Variants in NAA38 observed in about 807,000 individuals in gnomAD.
The protein encoded by NAA38 is N-alpha-acetyltransferase 38, NatC auxiliary subunit.
In NAA38, 15 loss-of-function variants were observed where a neutral mutation model predicts 12.6. The observed-to-expected ratio is 1.19, with a 90% CI of 0.79 to 1.83. The LOEUF (loss-of-function observed/expected upper bound fraction) is 1.83, where lower values mean the gene tolerates loss of function less well. Among genes scored for constraint, NAA38 ranks in the 40% most tolerant of loss-of-function variants. The probability of loss-of-function intolerance (pLI) is 0.00; values close to 1 mark genes in which losing one functional copy is unlikely to be tolerated. For synonymous variants in NAA38, 88 were observed against 69.9 expected, an observed-to-expected ratio of 1.26 and a Z score of -1.29; for missense variants, 183 against 171.7, an observed-to-expected ratio of 1.07 and a Z score of -0.37.
upstream of NAA38, chr17:7,859,762 G>A: frequency 1.5e-6 from 1 of 648,572 alleles, no homozygotes; most frequent in Non-Finnish European, 2.7e-6. Context: ...GAAGTGTAAA[G>A]GCCCTATTCC....
At chr17:7,879,713 G>C (rs1967237080) in intron 2 of NAA38, among the ~76,000 whole-genome samples, 3 of 151,878 alleles carry the variant, frequency 2.0e-5, no homozygotes, top group Admixed American at 2.0e-4. Context: ...TTTATTTTTT[G>C]AAGTACTGAA....
At chr17:7,858,345 G>A (rs539772034), upstream of NAA38, 296 of 1,614,014 alleles carry the variant, frequency 1.8e-4, no homozygotes, top group Non-Finnish European at 2.4e-4. Flanking sequence ...GTGCACGCGC[G>A]CGTTTGCCTG....
At chr17:7,857,963 C>G, upstream of NAA38, 1 of 1,468,796 alleles carries the variant, frequency 6.8e-7, no homozygotes. Context: ...CAAACCCCGC[C>G]CCTGATATTT....
upstream of NAA38, chr17:7,858,317 G>T (rs556825543): frequency 1.2e-6 from 2 of 1,613,928 alleles, no homozygotes; most frequent in African/African-American, 2.7e-5. Context: ...CGTTGGGCCG[G>T]GGCCGGAGTG....
At chr17:7,871,282 G>A (rs944274357) in intron 2 of NAA38, among the ~76,000 whole-genome samples, 1 of 152,136 alleles carries the variant, frequency 6.6e-6, no homozygotes, top group Non-Finnish European at 1.5e-5. Context: ...TTTCTCATCT[G>A]TAAAATGAGT....
At chr17:7,866,498 C>G (rs1004920879) in exon 3 of NAA38, 1 of 1,231,338 alleles carries the variant, frequency 8.1e-7, no homozygotes, top group African/African-American at 1.6e-5. Flanking sequence ...TACCATGGTC[C>G]AGAAGGTAAG....
intron 2 of NAA38, among the ~76,000 whole-genome samples, chr17:7,873,447 G>A (rs938297062): frequency 3.3e-5 from 5 of 152,218 alleles, no homozygotes; most frequent in Non-Finnish European, 7.3e-5. Flanking sequence ...GCTGGAAAAT[G>A]AGTAGGGAAG....
At chr17:7,882,606 A>C (rs564879059) in intron 2 of NAA38, among the ~76,000 whole-genome samples, 2 of 152,310 alleles carry the variant, frequency 1.3e-5, no homozygotes, top group African/African-American at 2.4e-5. Flanking sequence ...AATCGACAGG[A>C]AAACTGGAAA....
chr17:7,868,865 T>A (rs1967034903), intron 2 of NAA38, among the ~76,000 whole-genome samples: 1 of 152,218 alleles, frequency 6.6e-6, no homozygotes, highest in Admixed American at 6.5e-5. Context: ...TATTCCTCCA[T>A]TAGGAGAAGT....
chr17:7,857,612 C>T (rs2078838827), upstream of NAA38: 4 of 1,365,990 alleles, frequency 2.9e-6, no homozygotes, highest in South Asian at 3.9e-5. Context: ...GCACAGATCT[C>T]GCGAGCTTCT....
At chr17:7,872,537 A>G (rs192435170) in intron 2 of NAA38, among the ~76,000 whole-genome samples, 74 of 152,184 alleles carry the variant, frequency 4.9e-4, no homozygotes, top group Admixed American at 1.8e-3. Context: ...TAATTTTTGT[A>G]TTTTTAATAG....
At chr17:7,876,016 T>C (rs1033170592) in intron 2 of NAA38, among the ~76,000 whole-genome samples, 2 of 152,234 alleles carry the variant, frequency 1.3e-5, no homozygotes, top group African/African-American at 4.8e-5. Context: ...TGTATGGATA[T>C]ACTATATTTA....
At chr17:7,884,827 C>CGAGGAG (rs781353736) in intron 1 of NAA38, 3 of 803,844 alleles carry the variant, frequency 3.7e-6, no homozygotes, top group East Asian at 4.0e-5. Flanking sequence ...CTCTGAGGGA[C>CGAGGAG]GAGGAGGAGG....
At chr17:7,859,226 G>A (rs1318791488), upstream of NAA38, 4 of 633,930 alleles carry the variant, frequency 6.3e-6, no homozygotes, top group South Asian at 1.9e-5. Context: ...AGGACTTTAG[G>A]GTCTGCTCAT....
upstream of NAA38, chr17:7,862,770 AAGAGGGTCTCACC>A (rs755983240): frequency 2.0e-5 from 3 of 152,042 alleles, no homozygotes; most frequent in Non-Finnish European, 4.4e-5. Flanking sequence ...AAAAAAAAAA[AAGAGGGTCTCACC>A]AGATTTTTGG....
intron 2 of NAA38, among the ~76,000 whole-genome samples, chr17:7,868,984 TA>T (rs1473685248): frequency 6.6e-6 from 1 of 152,222 alleles, no homozygotes; most frequent in Non-Finnish European, 1.5e-5. Flanking sequence ...GAAGAGTAAC[TA>T]AAGTCAGTCC....
upstream of NAA38, chr17:7,859,941 G>A (rs2078870630): frequency 1.6e-5 from 4 of 253,758 alleles, no homozygotes; most frequent in Non-Finnish European, 3.1e-5. Context: ...AGGGATGGAA[G>A]GACTTTTTTG....
chr17:7,869,939 GAAC>G (rs1333108111), intron 2 of NAA38, among the ~76,000 whole-genome samples: 2 of 152,144 alleles, frequency 1.3e-5, no homozygotes, highest in Non-Finnish European at 2.9e-5. Flanking sequence ...AATTCTGCTG[GAAC>G]AACTGGGGCT....
chr17:7,870,792 CAGG>C (rs1390947897), intron 2 of NAA38, among the ~76,000 whole-genome samples: 1 of 150,954 alleles, frequency 6.6e-6, no homozygotes, highest in East Asian at 1.9e-4. Context: ...GAGGCTGAGG[CAGG>C]AGAATTGCTT....
Sources: gnomAD v4.1 joint callset for allele counts (sites outside exome capture counted in the v4.1 genomes callset) on GRCh38, gnomAD v4.1.1 for gene constraint, MANE v1.5 for transcripts, NCBI Gene and HGNC (gene_info 2026-07-23, HGNC 2026-07-21) for gene names.